The following MINDY2 variants were observed in gnomAD, a reference collection of about 807,000 sequenced individuals.
The protein encoded by MINDY2 is ubiquitin carboxyl-terminal hydrolase MINDY-2.
Under a neutral mutation model 68.2 loss-of-function variants are expected in MINDY2, and 52 were observed. The observed-to-expected ratio is 0.76, with a 90% CI of 0.61 to 0.96. The LOEUF is 0.96. MINDY2 is among the 40% of genes least tolerant of loss of function. The pLI is 0.00. For missense variants in MINDY2, 881 were observed against 773.4 expected, an observed-to-expected ratio of 1.14 and a Z score of -1.65; for synonymous variants, 372 against 303.0, an observed-to-expected ratio of 1.23 and a Z score of -2.36.
In MINDY2 at chr15:58,787,924, A is replaced by G; in HGVS notation, c.859A>G (p.Met287Val). Residue 287 changes from methionine (M) to valine (V), a missense_variant, in exon 2 of 9, where the codon ATG becomes GTG. Coordinates refer to ENST00000559228, the MANE Select transcript of MINDY2 (RefSeq NM_001040450.3). ...LAWKVKLPPM[M>V]EIITAEQLME... ...TTTTCAGGTGAAACTTCCACCGATG[A>G]TGGAAATCATAACTGCTGAGCAGCT... is the stretch of plus-strand genomic sequence containing the variant. The G allele has an allele frequency of 1.9e-6, 3 of 1,597,474 alleles. No individual in the cohort carries two copies. Among genetic ancestry groups the G allele is most frequent in the Non-Finnish European group, 2.6e-6 (3 of 1,172,778 alleles).
chr15:58,779,804 G>A lies in MINDY2; in HGVS notation c.840+7569G>A, dbSNP rs141108876. On this transcript the variant is annotated intron_variant, in intron 1 of 8. Coordinates refer to ENST00000559228, the MANE Select transcript of MINDY2 (RefSeq NM_001040450.3). ...GCTGAGGAGAGTATAAATACCGCCA[G>A]TAGGAGTTGCCCTCTAATAGTGATA... is the stretch of plus-strand genomic sequence containing the variant. Among the ~76,000 whole-genome samples, 1,146 of 152,272 alleles carry A rather than the reference G, an allele frequency of 7.5e-3. 9 individuals are homozygous for A. Among genetic ancestry groups the A allele is most frequent in the African/African-American group, 0.026 (1,095 of 41,550 alleles).
intron 1 of MINDY2, among the ~76,000 whole-genome samples, chr15:58,784,423 CTATT>C (rs1403393935): frequency 6.6e-6 from 1 of 151,976 alleles, no homozygotes; most frequent in Non-Finnish European, 1.5e-5. Context: ...TATTTGGCCT[CTATT>C]AATTGGGAGC....
intron 1 of MINDY2, among the ~76,000 whole-genome samples, chr15:58,784,901 C>G (rs1901384032): frequency 6.6e-6 from 1 of 151,868 alleles, no homozygotes; most frequent in South Asian, 2.1e-4. Flanking sequence ...TCCCAAAGTG[C>G]TGGGACTGTA....
rs1383113000 is a variant in MINDY2, at chr15:58,771,722, C to T, written c.327C>T (p.Thr109=). The part of the protein sequence containing the change: ...EAPLRGQYKV[T]ASPETAVAGV... ...CTCTGAGAGGGCAGTACAAGGTGAC[C>T]GCCTCCCCGGAGACAGCCGTGGCCG... is the stretch of plus-strand genomic sequence containing the variant. Residue 109 remains threonine (T), a synonymous_variant, in exon 1 of 9, where the codon ACC becomes ACT. Transcript: ENST00000559228. 2 of 1,611,854 alleles carry T rather than the reference C, an allele frequency of 1.2e-6. No individual in the cohort carries two copies. Among genetic ancestry groups the T allele is most frequent in the Non-Finnish European group, 1.7e-6 (2 of 1,179,620 alleles).
At chr15:58,835,187 T>C (rs996298656) in intron 6 of MINDY2, among the ~76,000 whole-genome samples, 9 of 152,054 alleles carry the variant, frequency 5.9e-5, no homozygotes, top group African/African-American at 2.2e-4. Context: ...GGGGCAGATA[T>C]TAAATAATTA....
At chr15:58,816,934 A>G (rs1459850675) in intron 4 of MINDY2, among the ~76,000 whole-genome samples, 1 of 152,188 alleles carries the variant, frequency 6.6e-6, no homozygotes, top group African/African-American at 2.4e-5. Context: ...ACCGTACTCC[A>G]GCCTGGGCAA....
At chr15:58,838,793 C>G (rs1177268286) in intron 6 of MINDY2, among the ~76,000 whole-genome samples, 2 of 151,848 alleles carry the variant, frequency 1.3e-5, no homozygotes, top group Non-Finnish European at 2.9e-5. Flanking sequence ...GTTGTCCAGA[C>G]TGGTCTCAAA....
intron 1 of MINDY2, among the ~76,000 whole-genome samples, chr15:58,779,224 T>C (rs1900977561): frequency 6.6e-6 from 1 of 152,156 alleles, no homozygotes; most frequent in Non-Finnish European, 1.5e-5. Context: ...AGAGCCCTTA[T>C]AAATTAGAAA....
chr15:58,838,480 A>G (rs1429201255), intron 6 of MINDY2, among the ~76,000 whole-genome samples: 1 of 152,138 alleles, frequency 6.6e-6, no homozygotes, highest in South Asian at 2.1e-4. Flanking sequence ...GGTGTTTACA[A>G]CTAGGGGCTT....
intron 4 of MINDY2, among the ~76,000 whole-genome samples, chr15:58,817,483 T>G (rs1308279863): frequency 6.6e-6 from 1 of 152,214 alleles, no homozygotes; most frequent in Non-Finnish European, 1.5e-5. Context: ...CCCAGCACTT[T>G]GGGAGGCCAA....
At chr15:58,850,060 C>T (rs1444974433) in intron 7 of MINDY2, among the ~76,000 whole-genome samples, 1 of 152,132 alleles carries the variant, frequency 6.6e-6, no homozygotes, top group Admixed American at 6.5e-5. Context: ...ATTTACCCAT[C>T]CTCTGTATTA....
rs1317473418 is a variant in MINDY2, at chr15:58,851,779, T to C, written c.1551T>C (p.Leu517=). 5 of 1,577,820 alleles carry C rather than the reference T, an allele frequency of 3.2e-6. No individual in the cohort carries two copies. The highest frequency in any genetic ancestry group is 4.3e-6 in the Non-Finnish European group (5 of 1,169,062). The change falls in exon 8 of 9, where the codon CTT becomes CTC. Residue 517 remains leucine (L), a synonymous_variant. Transcript: ENST00000559228. The part of the protein sequence containing the change: ...GQQDQIDQDY[L]MALSLQQEQQ... The stretch of plus-strand genomic sequence containing the variant: ...ATAATTTAATTTATTAGGATTATCT[T>C]ATGGCATTATCTCTACAACAAGAAC...
chr15:58,786,829 A>C (rs1196471146), intron 1 of MINDY2, among the ~76,000 whole-genome samples: 1 of 151,974 alleles, frequency 6.6e-6, no homozygotes, highest in Non-Finnish European at 1.5e-5. Flanking sequence ...TTCTTTACTT[A>C]GTAATTTATT....
Position 58,857,312 on chromosome 15 carries a change from T to A in MINDY2, c.*2702T>A, listed in dbSNP as rs1377201932. ...ACTTTGGGAGGCCGAGGCAGGTGGA[T>A]CACCTGAGATCAGGAGTTCGAGACC... is the stretch of plus-strand genomic sequence containing the variant. On this transcript the variant is annotated 3_prime_UTR_variant, in exon 9 of 9. Transcript: ENST00000559228. 5 of 152,282 alleles carry A rather than the reference T, an allele frequency of 3.3e-5. No individual in the cohort carries two copies. Among genetic ancestry groups the A allele is most frequent in the South Asian group, 2.1e-4 (1 of 4,806 alleles). The allele number at this position is 152,282 out of a possible 1,614,324, so 9.4% of individuals were successfully genotyped here. A position where few individuals can be genotyped will look rare whatever the true frequency, so the allele number is the denominator to read the frequency against.
intron 3 of MINDY2, among the ~76,000 whole-genome samples, chr15:58,808,968 T>C (rs1363396595): frequency 6.6e-6 from 1 of 152,180 alleles, no homozygotes; most frequent in East Asian, 1.9e-4. Flanking sequence ...TCCCAATACG[T>C]TGAGAGGCTG....
At chr15:58,798,667 GC>G (rs1362284733) in intron 2 of MINDY2, among the ~76,000 whole-genome samples, 4 of 151,890 alleles carry the variant, frequency 2.6e-5, no homozygotes, top group African/African-American at 9.7e-5. Context: ...TCTTGGCCAG[GC>G]TGGATTCAAA....
In MINDY2 at chr15:58,810,395, C is replaced by T. The variant is rs766648385; in HGVS notation, c.1122+7C>T. Reference sequence around the variant, plus strand: ...GTGGTTAGTAGACCCTCAGGTAAGTCGAAGAATTTAAATTATGTAAACACA... The same window carrying T: ...GTGGTTAGTAGACCCTCAGGTAAGTTGAAGAATTTAAATTATGTAAACACA... On this transcript the variant is annotated splice_region_variant and intron_variant, in intron 4 of 8. Coordinates refer to ENST00000559228, the MANE Select transcript of MINDY2 (RefSeq NM_001040450.3). 3.5e-5 allele frequency: 54 copies of T among 1,536,154 alleles called. No individual in the cohort carries two copies. Among genetic ancestry groups the T allele is most frequent in the Non-Finnish European group, 4.6e-5 (52 of 1,141,436 alleles).
chr15:58,793,254 C>G (rs1902057150), intron 2 of MINDY2, among the ~76,000 whole-genome samples: 1 of 152,026 alleles, frequency 6.6e-6, no homozygotes, highest in South Asian at 2.1e-4. Context: ...AGTTCAAGAC[C>G]AGCCTGGGCA....
At chr15:58,779,853 C>T (rs1380956870) in intron 1 of MINDY2, among the ~76,000 whole-genome samples, 2 of 152,128 alleles carry the variant, frequency 1.3e-5, no homozygotes, top group Non-Finnish European at 2.9e-5. Flanking sequence ...TTTCTTCTCC[C>T]CTTGGTATGA....
Sources: allele counts gnomAD v4.1 joint callset (sites outside exome capture counted in the v4.1 genomes callset), GRCh38; gene constraint gnomAD v4.1.1; transcripts MANE v1.5; gene names NCBI Gene and HGNC (gene_info 2026-07-23, HGNC 2026-07-21).